HMGA2: variants seen among roughly 807,000 people sequenced by gnomAD.
HMGA2 encodes the protein high mobility group AT-hook 2, also known as high mobility group protein HMGI-C.
A neutral mutation model predicts 19.1 loss-of-function variants in HMGA2; 8 were observed. That is an observed-to-expected ratio of 0.42 (90% CI 0.25 to 0.76). The LOEUF (loss-of-function observed/expected upper bound fraction) is 0.76, where lower values mean the gene tolerates loss of function less well. Ranked by LOEUF, HMGA2 falls within the 30% of genes least tolerant of loss-of-function variation. The pLI is 0.28. For missense variants in HMGA2, 109 were observed against 136.3 expected, an observed-to-expected ratio of 0.80 and a Z score of 1.00; for synonymous variants, 60 against 48.8, an observed-to-expected ratio of 1.23 and a Z score of -0.96.
In HMGA2 at chr12:65,960,131, C is replaced by T. The variant is rs184797614; in HGVS notation, c.283-3114C>T. Among the ~76,000 whole-genome samples, 61 of 152,280 alleles carry T rather than the reference C, an allele frequency of 4.0e-4. 1 individual carries two copies. Among genetic ancestry groups the T allele is most frequent in the Admixed American group, 3.4e-3 (52 of 15,306 alleles). ...GTCTCGATCTCCTGACCTCGTGATC[C>T]GCCTGCCTAGGCCTCCCAAAGTGCT... On this transcript the variant is annotated intron_variant, in intron 4 of 4. Coordinates refer to ENST00000403681, the MANE Select transcript of HMGA2 (RefSeq NM_003483.6).
Position 65,849,736 on chromosome 12 carries a change from A to ATTTTTT in HMGA2, c.249+11186_249+11191dup, listed in dbSNP as rs34541445. Among the ~76,000 whole-genome samples, 75 of 85,126 alleles carry ATTTTTT rather than the reference A, an allele frequency of 8.8e-4. 6 individuals carry two copies. Among genetic ancestry groups the ATTTTTT allele is most frequent in the African/African-American group, 3.2e-3 (60 of 18,530 alleles). 55.8% of individuals were successfully genotyped at this position (85,126 alleles called of 152,430 possible). On this transcript the variant is annotated intron_variant, in intron 3 of 4. Transcript: ENST00000403681. ...AAACCAAGACAATGGTAGGCTCTGTATTTTTTTTTTTTTTTTTTTTTTTTG... is the reference window on the plus strand; with the variant it reads ...AAACCAAGACAATGGTAGGCTCTGTATTTTTTTTTTTTTTTTTTTTTTTTTTTTTTG...
chr12:65,859,376 T>G (rs1352783382), intron 3 of HMGA2: 2 of 152,240 alleles, frequency 1.3e-5, no homozygotes, highest in Admixed American at 6.5e-5. Context: ...ACTTCCAGAT[T>G]GTTCTTCCTC....
chr12:65,898,583 T>G (rs1874234496), intron 3 of HMGA2, among the ~76,000 whole-genome samples: 1 of 152,098 alleles, frequency 6.6e-6, no homozygotes, highest in African/African-American at 2.4e-5. Flanking sequence ...AAACATATGG[T>G]TATAGTACAT....
At chr12:65,915,725 C>T (rs1342729889) in intron 3 of HMGA2, among the ~76,000 whole-genome samples, 1 of 152,154 alleles carries the variant, frequency 6.6e-6, no homozygotes, top group Non-Finnish European at 1.5e-5. Context: ...CCTTGACTTA[C>T]ATTTTTTTGT....
At chr12:65,921,498 T>C (rs1047148367) in intron 3 of HMGA2, among the ~76,000 whole-genome samples, 1 of 152,118 alleles carries the variant, frequency 6.6e-6, no homozygotes, top group South Asian at 2.1e-4. Flanking sequence ...CCGCCCGCCT[T>C]GGCCTCCCAA....
intron 3 of HMGA2, among the ~76,000 whole-genome samples, chr12:65,894,292 T>C (rs966022514): frequency 5.9e-5 from 9 of 152,200 alleles, no homozygotes; most frequent in Admixed American, 3.9e-4. Context: ...TGGTTTATTT[T>C]ATAGGCACTG....
chr12:65,837,413 C>T (rs1592375927), intron 2 of HMGA2, among the ~76,000 whole-genome samples: 3 of 152,268 alleles, frequency 2.0e-5, no homozygotes, highest in East Asian at 3.9e-4. Context: ...TTTCATTTGG[C>T]AGTGTAGACA....
chr12:65,869,947 A>G lies in HMGA2; in HGVS notation c.249+31378A>G, dbSNP rs557915273. On this transcript the variant is annotated intron_variant, in intron 3 of 4. Coordinates refer to ENST00000403681, the MANE Select transcript of HMGA2 (RefSeq NM_003483.6). Reference sequence around the variant, plus strand: ...TGGCCAACCCAGTTAGAAAGGTTATAAAAAATCTTAACAGTTTTTCAGCCC... The same window carrying G: ...TGGCCAACCCAGTTAGAAAGGTTATGAAAAATCTTAACAGTTTTTCAGCCC... Among the ~76,000 whole-genome samples the G allele has an allele frequency of 2.6e-4, 39 of 152,298 alleles. No individual in the cohort carries two copies. The South Asian group carries it at 7.0e-3, about 27-fold the overall frequency.
chr12:65,906,878 T>A (rs1874615643), intron 3 of HMGA2, among the ~76,000 whole-genome samples: 1 of 152,224 alleles, frequency 6.6e-6, no homozygotes, highest in Non-Finnish European at 1.5e-5. Context: ...TAGAAGCTGA[T>A]GTTATTGTCT....
At chr12:65,829,094 A>C (rs982334949) in intron 2 of HMGA2, 6 of 152,264 alleles carry the variant, frequency 3.9e-5, no homozygotes, top group Admixed American at 2.6e-4. Context: ...TATTTGTTAG[A>C]AAGGACTATA....
chr12:65,832,176 A>T (rs978161452), intron 2 of HMGA2, among the ~76,000 whole-genome samples: 2 of 151,920 alleles, frequency 1.3e-5, no homozygotes, highest in Admixed American at 6.6e-5. Context: ...CAATTGACTA[A>T]TTTTTTTCTT....
chr12:65,939,281 G>A (rs189577583), intron 3 of HMGA2, among the ~76,000 whole-genome samples: 25 of 152,206 alleles, frequency 1.6e-4, no homozygotes, highest in African/African-American at 6.0e-4. Flanking sequence ...TGTGTCGGTA[G>A]CTTTGACTAG....
chr12:65,943,533 A>G (rs1876161161), intron 3 of HMGA2, among the ~76,000 whole-genome samples: 1 of 152,158 alleles, frequency 6.6e-6, no homozygotes. Flanking sequence ...ACTTTGCTAT[A>G]ATAATCCAAT....
At chr12:65,923,642 A>G (rs908197166) in intron 3 of HMGA2, among the ~76,000 whole-genome samples, 1 of 152,214 alleles carries the variant, frequency 6.6e-6, no homozygotes, top group Admixed American at 6.5e-5. Flanking sequence ...GGACAGCAAC[A>G]TAAGAGCCAT....
intron 3 of HMGA2, chr12:65,914,671 G>T: frequency 3.5e-6 from 1 of 284,580 alleles, no homozygotes; most frequent in South Asian, 4.2e-5. Flanking sequence ...GTTGTTTGTT[G>T]TTGTTATTGT....
At chr12:65,905,684 A>G (rs1423318947) in intron 3 of HMGA2, among the ~76,000 whole-genome samples, 1 of 152,216 alleles carries the variant, frequency 6.6e-6, no homozygotes, top group Non-Finnish European at 1.5e-5. Flanking sequence ...CTACTTACAT[A>G]AGGAATATTT....
At chr12:65,958,578 T>C (rs1876665204) in intron 4 of HMGA2, 1 of 152,154 alleles carries the variant, frequency 6.6e-6, no homozygotes, top group African/African-American at 2.4e-5. Flanking sequence ...GAAAAACTGG[T>C]TCCTGGTCAT....
In HMGA2 at chr12:65,868,978, G is replaced by A. The variant is rs145001263; in HGVS notation, c.249+30409G>A. 1.7e-3 allele frequency among the ~76,000 whole-genome samples: 252 copies of A among 152,230 alleles called. 2 individuals are homozygous for A. The highest frequency in any genetic ancestry group is 5.5e-3 in the African/African-American group (227 of 41,536). On this transcript the variant is annotated intron_variant, in intron 3 of 4. Coordinates refer to ENST00000403681, the MANE Select transcript of HMGA2 (RefSeq NM_003483.6). ...AATGCATTGCGTAGAACTGAGGTTA[G>A]CAGGTTACCATTGATTTCCTCTACT... is the stretch of plus-strand genomic sequence containing the variant.
intron 3 of HMGA2, chr12:65,881,957 C>T (rs1050294666): frequency 7.9e-5 from 55 of 699,774 alleles, no homozygotes; most frequent in Admixed American, 1.2e-4. Flanking sequence ...GGGGTTCCTC[C>T]GTAGCCTTTG....
Sources: allele counts gnomAD v4.1 joint callset (sites outside exome capture counted in the v4.1 genomes callset), GRCh38; gene constraint gnomAD v4.1.1; transcripts MANE v1.5; gene names NCBI Gene and HGNC (gene_info 2026-07-23, HGNC 2026-07-21).